Variants in ZNF394 observed in about 807,000 individuals in gnomAD.
ZNF394 encodes the protein zinc finger protein 394.
ZNF394 carries 19 observed loss-of-function variants against 21.8 expected under a neutral mutation model. The ratio of observed to expected loss-of-function variants is 0.87; its 90% CI spans 0.61 to 1.28. ZNF394 has a LOEUF of 1.28. Ranked by LOEUF, ZNF394 falls within the 50% of genes most tolerant of loss-of-function variation. ZNF394 has a pLI of 0.00. For missense variants in ZNF394, 683 were observed against 708.6 expected (o/e 0.96, Z 0.41); for synonymous variants, 294 against 273.3 (o/e 1.08, Z -0.75).
In ZNF394 at chr7:99,499,942, G is replaced by A. The variant is rs1192652644; in HGVS notation, c.152C>T (p.Pro51Leu). The change falls in exon 1 of 3, where the codon CCC becomes CTC. Residue 51 changes from proline to leucine, a missense_variant. By Grantham distance (98) the Pro-to-Leu change is moderately conservative. This residue lies in a region of ZNF394 where 402 missense variants were observed against 373.8 expected (regional missense o/e 1.08). Transcript: ENST00000337673. ...VEEDSPGSWE[P>L]NYPAASPDPE... ...GTCCGGCGAAGCCGCGGGATAGTTG[G>A]GCTCCCAACTTCCGGGTGAGTCTTC... 1 of 1,613,988 alleles carries A rather than the reference G, an allele frequency of 6.2e-7. No individual in the cohort carries two copies. The highest frequency in any genetic ancestry group is 8.5e-7 in the Non-Finnish European group (1 of 1,180,030).
chr7:99,488,071 C>CA (rs1180851983), intron 1 of ZNF394, among the ~76,000 whole-genome samples: 9,713 of 67,464 alleles, frequency 0.14, 982 homozygotes, highest in African/African-American at 0.23. Flanking sequence ...GACTCCGTCT[C>CA]AAAAAAAAAA....
At chr7:99,494,705 G>T in intron 2 of ZNF394, 74 bp from the exon 3 acceptor site, 2 of 1,498,580 alleles carry the variant, frequency 1.3e-6, no homozygotes, top group Non-Finnish European at 1.8e-6. Context: ...CTGGCAGAAT[G>T]TTAAACCCTC....
rs148228058 is a variant in ZNF394, at chr7:99,493,850, G to T, written c.1365C>A (p.Asn455Lys). ...TATGTAGTCTCTGATGTCTAAAAAGGTTGGAAATATGACAGGTTTCCCCGC... is the reference window on the plus strand; with the variant it reads ...TATGTAGTCTCTGATGTCTAAAAAGTTTGGAAATATGACAGGTTTCCCCGC... The part of the protein sequence containing the change: ...EECGETCHIS[N>K]LFRHQRLHKG... The change falls in exon 3 of 3, where the codon AAC (asparagine) becomes AAA (lysine). Residue 455 changes from asparagine (N) to lysine (K), a missense_variant. Physicochemically the swap from Asn to Lys is moderately conservative, Grantham distance 94. This residue lies in a region of ZNF394 where 274 missense variants were observed against 314.1 expected (regional missense o/e 0.87). Coordinates refer to ENST00000337673, the MANE Select transcript of ZNF394 (RefSeq NM_032164.4). 5.3e-5 allele frequency: 86 copies of T among 1,614,086 alleles called. No individual in the cohort carries two copies. The highest frequency in any genetic ancestry group is 3.3e-4 in the Middle Eastern group (2 of 6,062).
intron 2 of ZNF394, among the ~76,000 whole-genome samples, chr7:99,497,155 T>TATATATATATATATAA (rs1285527600): frequency 1.4e-4 from 18 of 132,608 alleles, no homozygotes; most frequent in African/African-American, 4.8e-4. Context: ...TATATATATA[T>TATATATATATATATAA]AAAATGTTTT....
At position 99,497,172 on chromosome 7, in the gene ZNF394, T is replaced by C. The variant is rs13438532; in HGVS notation, c.583+1544A>G. ...TATATATATAAAATGTTTTTTCTTTTTTTTTTGAGACGGAGTCTTGCTCTG... is the reference window on the plus strand; with the variant it reads ...TATATATATAAAATGTTTTTTCTTTCTTTTTTGAGACGGAGTCTTGCTCTG... On this transcript the variant is annotated intron_variant, in intron 2 of 2. Transcript: ENST00000337673. 2.1e-5 allele frequency among the ~76,000 whole-genome samples: 3 copies of C among 142,952 alleles called. No homozygotes were observed. In the Admixed American group the frequency reaches 2.1e-4, roughly 10 times the overall value. 93.8% of individuals were successfully genotyped at this position (142,952 alleles called of 152,430 possible). A position where few individuals can be genotyped will look rare whatever the true frequency, so the allele number is the denominator to read the frequency against.
At chr7:99,491,572 T>C (rs1419287766), downstream of ZNF394, among the ~76,000 whole-genome samples, 2 of 151,672 alleles carry the variant, frequency 1.3e-5, no homozygotes, top group African/African-American at 2.4e-5. Flanking sequence ...GGTCAGGAGA[T>C]AGACACCATC....
Position 99,493,392 on chromosome 7 carries a change from G to A in ZNF394, c.*137C>T. On this transcript the variant is annotated 3_prime_UTR_variant, in exon 3 of 3. Coordinates refer to ENST00000337673, the MANE Select transcript of ZNF394 (RefSeq NM_032164.4). ...CTACCTCAGCCTCCCGAATAGCTGG[G>A]CTTACAGGCATGCACCACCATGCCC... 1 of 1,013,814 alleles carries A rather than the reference G, an allele frequency of 9.9e-7. No individual in the cohort carries two copies. The highest frequency in any genetic ancestry group is 1.4e-6 in the Non-Finnish European group (1 of 719,744). 62.8% of individuals were successfully genotyped at this position (1,013,814 alleles called of 1,614,324 possible).
Position 99,494,444 on chromosome 7 carries a change from A to C in ZNF394, c.771T>G (p.Asn257Lys). The change falls in exon 3 of 3, where the codon AAT (asparagine) becomes AAG (lysine). Residue 257 changes from asparagine to lysine, a missense_variant. Physicochemically the swap from Asn to Lys is moderately conservative, Grantham distance 94. Transcript: ENST00000337673. Reference sequence around the variant, plus strand: ...TGTTGAGTCCTTCTGCTTCAGGAGAATTTTCAAGTTTCAGGGGCAAGGGGT... The same window carrying C: ...TGTTGAGTCCTTCTGCTTCAGGAGACTTTTCAAGTTTCAGGGGCAAGGGGT... Reference protein sequence around the residue: ...SGDPLPLKLENSPEAEGLNSI... With the variant: ...SGDPLPLKLEKSPEAEGLNSI... 1 of 1,614,012 alleles carries C rather than the reference A, an allele frequency of 6.2e-7. No individual in the cohort carries two copies. The highest frequency in any genetic ancestry group is 8.5e-7 in the Non-Finnish European group (1 of 1,180,002).
Position 99,494,098 on chromosome 7 carries a change from G to C in ZNF394, c.1117C>G (p.Leu373Val), listed in dbSNP as rs1454163155. 6.2e-7 allele frequency: 1 copy of C among 1,614,060 alleles called. No homozygotes were observed. The highest frequency in any genetic ancestry group is 2.2e-5 in the East Asian group (1 of 44,894). Residue 373 changes from leucine to valine, a missense_variant, in exon 3 of 3, where the codon CTC becomes GTC. By Grantham distance (32) the Leu-to-Val change is conservative. Around this residue, in one of 3 missense-constraint regions of ZNF394, gnomAD observed 274 missense variants for 314.1 expected, o/e 0.87. Coordinates refer to ENST00000337673, the MANE Select transcript of ZNF394 (RefSeq NM_032164.4). ...GTGTGGATTCTCTGGTGTCTAAAGAGGTCAGAGCGTTGTTTGAAACTCTTC... is the reference window on the plus strand; with the variant it reads ...GTGTGGATTCTCTGGTGTCTAAAGACGTCAGAGCGTTGTTTGAAACTCTTC... ...CGKSFKQRSD[L>V]FRHQRIHTGE...
In ZNF394 at chr7:99,493,537, G is replaced by A. The variant is rs776160453; in HGVS notation, c.1678C>T (p.Arg560Cys). ...KVLSAGRGGS[R>C]L ...CTCCCAAAGTGCTGGGATTATAGGC[G>A]TGAGCCACCACGCCCAGCCGACAGC... Residue 560 changes from arginine (R) to cysteine (C), a missense_variant, in exon 3 of 3, where the codon CGC becomes TGC. Arg to Cys is a radical substitution (Grantham distance 180). Coordinates refer to ENST00000337673, the MANE Select transcript of ZNF394 (RefSeq NM_032164.4). The A allele has an allele frequency of 1.5e-5, 24 of 1,601,510 alleles. No individual in the cohort carries two copies. Among genetic ancestry groups the A allele is most frequent in the Middle Eastern group, 3.3e-4 (2 of 6,024 alleles).
intron 2 of ZNF394, chr7:99,498,493 C>CT (rs1217492075): frequency 1.3e-4 from 65 of 491,440 alleles, no homozygotes; most frequent in Middle Eastern, 5.7e-4. Flanking sequence ...TGGTCATTAT[C>CT]TTTTTTTTAT....
At chr7:99,491,771 C>CAAA (rs768073826), downstream of ZNF394, among the ~76,000 whole-genome samples, 122 of 34,872 alleles carry the variant, frequency 3.5e-3, 3 homozygotes, top group African/African-American at 5.6e-3. Context: ...GAATCTGTCT[C>CAAA]AAAAAAAAAA....
chr7:99,486,555 A>C (rs199858061), exon 2 of ZNF394: 6 of 1,614,232 alleles, frequency 3.7e-6, no homozygotes, highest in Admixed American at 3.3e-5. Context: ...ATAAGATATC[A>C]GTGGTAATGC....
intron 1 of ZNF394, among the ~76,000 whole-genome samples, chr7:99,487,773 CAAA>C (rs1195630820): frequency 1.4e-5 from 2 of 140,502 alleles, no homozygotes; most frequent in African/African-American, 2.6e-5. Flanking sequence ...GAGGCTGTCT[CAAA>C]AAAAAAAAAG....
At chr7:99,495,973 G>A (rs1272536932) in intron 2 of ZNF394, among the ~76,000 whole-genome samples, 1 of 152,000 alleles carries the variant, frequency 6.6e-6, no homozygotes, top group Non-Finnish European at 1.5e-5. Context: ...CCAGGTTGGA[G>A]TGCAATGGCG....
intron 2 of ZNF394, among the ~76,000 whole-genome samples, chr7:99,495,300 C>A (rs1231122622): frequency 2.0e-5 from 3 of 151,328 alleles, no homozygotes; most frequent in Admixed American, 6.6e-5. Flanking sequence ...AGCCACAGCA[C>A]CCAGCCTATA....
chr7:99,500,108 T>C lies in ZNF394; in HGVS notation c.-15A>G. ...CTGGAATTCATCTTTCTCCGGCATG[T>C]GCTGCCCTTCCTGGAGTCTTCTTTT... is the stretch of plus-strand genomic sequence containing the variant. On this transcript the variant is annotated 5_prime_UTR_variant, in exon 1 of 3. Transcript: ENST00000337673. The C allele has an allele frequency of 3.3e-6, 5 of 1,529,344 alleles. No individual in the cohort carries two copies. In the South Asian group the frequency reaches 5.0e-5, roughly 15 times the overall value. 94.7% of individuals were successfully genotyped at this position (1,529,344 alleles called of 1,614,324 possible). A position where few individuals can be genotyped will look rare whatever the true frequency, so the allele number is the denominator to read the frequency against.
Position 99,500,240 on chromosome 7 carries a change from C to T in ZNF394, c.-147G>A. Reference sequence around the variant, plus strand: ...GCCCCTCTCCACACTCTCCTTTCCTCAGCTTTGCGCCTACAACTCTCTCGG... The same window carrying T: ...GCCCCTCTCCACACTCTCCTTTCCTTAGCTTTGCGCCTACAACTCTCTCGG... On this transcript the variant is annotated 5_prime_UTR_variant, in exon 1 of 3. Coordinates refer to ENST00000337673, the MANE Select transcript of ZNF394 (RefSeq NM_032164.4). 1 of 693,502 alleles carries T rather than the reference C, an allele frequency of 1.4e-6. No individual in the cohort carries two copies. Among genetic ancestry groups the T allele is most frequent in the Admixed American group, 3.6e-5 (1 of 27,716 alleles). The allele number at this position is 693,502 out of a possible 1,614,324, so 43.0% of individuals were successfully genotyped here.
downstream of ZNF394, among the ~76,000 whole-genome samples, chr7:99,490,339 G>C (rs1800135639): frequency 6.6e-6 from 1 of 151,908 alleles, no homozygotes; most frequent in Non-Finnish European, 1.5e-5. Context: ...ATTTTCAGTA[G>C]AGATGGGGTT....
Sources: gnomAD v4.1 joint callset for allele counts (sites outside exome capture counted in the v4.1 genomes callset) on GRCh38, gnomAD v4.1.1 for gene constraint, gnomAD v4.1.1 regional missense constraint, MANE v1.5 for transcripts, NCBI Gene and HGNC (gene_info 2026-07-23, HGNC 2026-07-21) for gene names.